The following SRGAP3 variants were observed in gnomAD, a reference collection of about 807,000 sequenced individuals.
SRGAP3 encodes SLIT-ROBO Rho GTPase activating protein 3.
Under a neutral mutation model 121.1 loss-of-function variants are expected in SRGAP3, and 39 were observed. The observed-to-expected ratio is 0.32, with a 90% CI of 0.25 to 0.42. SRGAP3 has a LOEUF of 0.42. Ranked by LOEUF, SRGAP3 falls within the 10% of genes least tolerant of loss-of-function variation. The pLI, the probability that SRGAP3 is intolerant of heterozygous loss-of-function variation, is 1.00. For synonymous variants in SRGAP3, 601 were observed against 570.0 expected (o/e 1.05, Z -0.77); for missense variants, 1,213 against 1,470.6 (o/e 0.82, Z 2.86).
chr3:9,002,608 A>T (rs995221249), intron 18 of SRGAP3, among the ~76,000 whole-genome samples: 1 of 152,158 alleles, frequency 6.6e-6, no homozygotes, highest in African/African-American at 2.4e-5. Context: ...AAATTAATAA[A>T]ATAGAGAACA....
chr3:9,014,366 C>G lies in SRGAP3; in HGVS notation c.1814-524G>C, dbSNP rs185565078. 41 of 176,428 alleles carry G rather than the reference C, an allele frequency of 2.3e-4. No individual in the cohort carries two copies. In the East Asian group the frequency reaches 4.9e-3, roughly 21 times the overall value. The allele number at this position is 176,428 out of a possible 1,614,324, so 10.9% of individuals were successfully genotyped here. A position where few individuals can be genotyped will look rare whatever the true frequency, so the allele number is the denominator to read the frequency against. On this transcript the variant is annotated intron_variant, in intron 15 of 21. Transcript: ENST00000383836. Reference sequence around the variant, plus strand: ...CAGGCAGGGACGATGTTTTATTAAACTCTTTACAAACACCAGCTGCAGCAC... The same window carrying G: ...CAGGCAGGGACGATGTTTTATTAAAGTCTTTACAAACACCAGCTGCAGCAC...
intron 1 of SRGAP3, among the ~76,000 whole-genome samples, chr3:9,191,550 T>A (rs1296786640): frequency 6.6e-6 from 1 of 152,100 alleles, no homozygotes; most frequent in East Asian, 1.9e-4. Flanking sequence ...CAGGACAGGA[T>A]GAGTGAGAGC....
At chr3:9,118,601 C>A (rs541349710) in intron 2 of SRGAP3, among the ~76,000 whole-genome samples, 1 of 152,122 alleles carries the variant, frequency 6.6e-6, no homozygotes, top group Non-Finnish European at 1.5e-5. Context: ...AGTTGAAAAC[C>A]ATTTATTCCC....
In SRGAP3 at chr3:9,046,569, G is replaced by A. The variant is rs551693826; in HGVS notation, c.1408+822C>T. ...ATTCCAACTGCCACTGGAATGCATT[G>A]AGTGGCTTTAAGCCTAGTTGTCAGG... is the stretch of plus-strand genomic sequence containing the variant. On this transcript the variant is annotated intron_variant, in intron 10 of 21. Transcript: ENST00000383836. 6.6e-5 allele frequency among the ~76,000 whole-genome samples: 10 copies of A among 152,342 alleles called. No homozygotes were observed. In the South Asian group the frequency reaches 2.1e-3, roughly 32 times the overall value.
intron 14 of SRGAP3, among the ~76,000 whole-genome samples, chr3:9,021,383 CT>C (rs1943912712): frequency 6.6e-6 from 1 of 152,170 alleles, no homozygotes; most frequent in Non-Finnish European, 1.5e-5. Context: ...CAAACCACAG[CT>C]CAGTAGCTAA....
intron 3 of SRGAP3, among the ~76,000 whole-genome samples, chr3:9,086,648 T>C (rs1575052710): frequency 6.7e-6 from 1 of 149,376 alleles, no homozygotes; most frequent in East Asian, 2.0e-4. Context: ...CACATATACA[T>C]ATATGAAATA....
chr3:9,330,907 C>T (rs1051062605), intron 1 of SRGAP3, among the ~76,000 whole-genome samples: 10 of 152,174 alleles, frequency 6.6e-5, no homozygotes, highest in East Asian at 1.9e-4. Context: ...TTATTACAGA[C>T]GCATACTACT....
intron 18 of SRGAP3, among the ~76,000 whole-genome samples, chr3:9,005,344 C>T (rs57486484): frequency 0.21 from 32,681 of 152,060 alleles, 3,661 homozygotes; most frequent in Non-Finnish European, 0.25. Flanking sequence ...CAAAATGGTG[C>T]GGTCATTTTG....
rs529802050 is a variant in SRGAP3 at position 9,348,727 on chromosome 3, C to G, written n.214+14113G>C. 1.1e-4 allele frequency: 135 copies of G among 1,269,894 alleles called. 1 individual carries two copies. The East Asian group carries it at 2.0e-3, about 19-fold the overall frequency. 78.7% of individuals were successfully genotyped at this position (1,269,894 alleles called of 1,614,324 possible). On this transcript the variant is annotated intron_variant and non_coding_transcript_variant, in intron 1 of 3. Coordinates refer to the SRGAP3 transcript ENST00000490889. ...ATGAGCAGCACTCTGGGGGTCTGAT[C>G]GGTCTCAATAAAGCAGAAACTGCTG...
intron 4 of SRGAP3, among the ~76,000 whole-genome samples, chr3:9,066,778 C>T (rs538610337): frequency 2.6e-5 from 4 of 152,338 alleles, no homozygotes; most frequent in East Asian, 3.9e-4. Flanking sequence ...AGATTACAGG[C>T]GTGAGCCACC....
chr3:9,141,258 G>A (rs934421109), intron 1 of SRGAP3, among the ~76,000 whole-genome samples: 1 of 152,166 alleles, frequency 6.6e-6, no homozygotes, highest in Non-Finnish European at 1.5e-5. Flanking sequence ...CATTGAGAGG[G>A]TGCCTCTGGC....
chr3:9,268,706 G>A (rs1954416843), intron 3 of SRGAP3, among the ~76,000 whole-genome samples: 2 of 152,052 alleles, frequency 1.3e-5, no homozygotes, highest in Non-Finnish European at 2.9e-5. Flanking sequence ...GTTTTTTCAA[G>A]CTGCTAAGTT....
intron 4 of SRGAP3, among the ~76,000 whole-genome samples, chr3:9,064,861 T>TA (rs112590835): frequency 0.013 from 1,876 of 149,844 alleles, 32 homozygotes; most frequent in African/African-American, 0.043. Flanking sequence ...TAAAAAATAA[T>TA]AATAAATAAA....
intron 18 of SRGAP3, among the ~76,000 whole-genome samples, chr3:8,998,033 C>T (rs954017751): frequency 3.3e-5 from 5 of 152,094 alleles, no homozygotes; most frequent in Non-Finnish European, 5.9e-5. Flanking sequence ...AGGCACATGC[C>T]GCCATGCCCA....
chr3:9,348,987 C>A, intron 1 of SRGAP3: 1 of 917,880 alleles, frequency 1.1e-6, no homozygotes, highest in Non-Finnish European at 1.8e-6. Context: ...GTACTAATTG[C>A]AGCCCATGGC....
chr3:9,112,347 C>T (rs1034381629), intron 2 of SRGAP3, among the ~76,000 whole-genome samples: 1 of 152,194 alleles, frequency 6.6e-6, no homozygotes, highest in East Asian at 1.9e-4. Context: ...TAACCTCCTG[C>T]TACCTAAGCT....
At chr3:9,085,474 G>A (rs1419388974) in intron 3 of SRGAP3, among the ~76,000 whole-genome samples, 1 of 774 alleles carries the variant, frequency 1.3e-3, no homozygotes, top group Non-Finnish European at 3.0e-3. Context: ...TATACCCAAA[G>A]GAAATATAAA....
At chr3:9,105,252 C>T (rs563684201) in intron 2 of SRGAP3, among the ~76,000 whole-genome samples, 8 of 152,334 alleles carry the variant, frequency 5.3e-5, no homozygotes, top group African/African-American at 1.9e-4. Context: ...ATTCTGCCTG[C>T]CTCAACCCCT....
intron 14 of SRGAP3, 103 bp from the exon 15 acceptor site, chr3:9,015,834 A>C (rs1682443054): frequency 6.9e-7 from 1 of 1,453,470 alleles, no homozygotes; most frequent in African/African-American, 1.4e-5. Flanking sequence ...ACCACAGGAA[A>C]GGCAGATGGG....
Sources: allele counts gnomAD v4.1 joint callset (sites outside exome capture counted in the v4.1 genomes callset), GRCh38; gene constraint gnomAD v4.1.1; transcripts MANE v1.5; gene names NCBI Gene and HGNC (gene_info 2026-07-23, HGNC 2026-07-21).